The following ACSL5 variants were observed in gnomAD, a reference collection of about 807,000 sequenced individuals.
The protein encoded by ACSL5 is long-chain-fatty-acid--CoA ligase 5.
ACSL5 carries 50 observed loss-of-function variants against 84.9 expected under a neutral mutation model. That is an observed-to-expected ratio of 0.59 (90% CI 0.47 to 0.75). The LOEUF (loss-of-function observed/expected upper bound fraction) is 0.75. Ranked by LOEUF, ACSL5 falls within the 30% of genes least tolerant of loss-of-function variation. The probability of loss-of-function intolerance (pLI) is 0.00; values close to 1 mark genes in which losing one functional copy is unlikely to be tolerated. For synonymous variants in ACSL5, 280 were observed against 300.7 expected (o/e 0.93, Z 0.71); for missense variants, 775 against 830.4 (o/e 0.93, Z 0.82).
intron 5 of ACSL5, 97 bp downstream of exon 5, chr10:112,404,903 C>G: frequency 1.9e-6 from 2 of 1,059,666 alleles, no homozygotes; most frequent in Non-Finnish European, 2.8e-6. Flanking sequence ...CTTGTTAATG[C>G]CTTACCAAAG....
chr10:112,374,362 A>AT (rs1349985418), intron 1 of ACSL5, 93 bp downstream of exon 1: 2 of 152,266 alleles, frequency 1.3e-5, no homozygotes, highest in East Asian at 1.9e-4. Context: ...GGGATTTGTT[A>AT]TGCTCAACCT....
intron 1 of ACSL5, among the ~76,000 whole-genome samples, chr10:112,392,877 T>C (rs1589677860): frequency 6.6e-6 from 1 of 152,150 alleles, no homozygotes; most frequent in Non-Finnish European, 1.5e-5. Context: ...GTTGTGCCAC[T>C]GCACTCCAGC....
In ACSL5 at chr10:112,410,564, C is replaced by T. The variant is rs1306865851; in HGVS notation, c.745-20C>T. On this transcript the variant is annotated intron_variant, in intron 8 of 20. Coordinates refer to ENST00000354655, the MANE Select transcript of ACSL5 (RefSeq NM_203379.2). The stretch of plus-strand genomic sequence containing the variant: ...TCTCAAAGTTCATGGTGGAATAAGC[C>T]CTTGTGCTTCCTCCTCCAGCCTCCT... 5 of 1,614,042 alleles carry T rather than the reference C, an allele frequency of 3.1e-6. No homozygotes were observed. The South Asian group carries it at 5.5e-5, about 18-fold the overall frequency.
intron 19 of ACSL5, 121 bp from the exon 20 acceptor site, chr10:112,426,667 C>A: frequency 1.2e-6 from 1 of 852,746 alleles, no homozygotes; most frequent in Non-Finnish European, 1.9e-6. Flanking sequence ...TGTGCTTGTG[C>A]ATAGTTTTAT....
intron 19 of ACSL5, 84 bp downstream of exon 19, chr10:112,426,443 A>G: frequency 8.4e-7 from 1 of 1,184,156 alleles, no homozygotes; most frequent in Non-Finnish European, 1.2e-6. Context: ...TGCATCTGTC[A>G]CAAGTGGCTG....
chr10:112,426,484 A>G (rs561521300), intron 19 of ACSL5, 125 bp downstream of exon 19: 194 of 744,982 alleles, frequency 2.6e-4, no homozygotes, highest in Non-Finnish European at 4.2e-4. Context: ...GTTTTATGGG[A>G]CTCGGGGATA....
In ACSL5 at chr10:112,425,442, A is replaced by G. The variant is rs969430046; in HGVS notation, c.1698A>G (p.Gln566=). The part of the protein sequence containing the change: ...EKIENIYNRS[Q]PVLQIFVHGE... ...TAGAAAATATCTACAACAGGAGTCA[A>G]CCAGTGTTACAAATTTTTGTACACG... The change falls in exon 18 of 21, where the codon CAA becomes CAG. Residue 566 remains glutamine, a synonymous_variant. Transcript: ENST00000354655. The G allele has an allele frequency of 6.2e-7, 1 of 1,613,516 alleles. No homozygotes were observed. Among genetic ancestry groups the G allele is most frequent in the Non-Finnish European group, 8.5e-7 (1 of 1,179,770 alleles).
In ACSL5 at chr10:112,398,958, T is replaced by C; in HGVS notation, c.214T>C (p.Ser72Pro). 6.2e-7 allele frequency: 1 copy of C among 1,614,096 alleles called. No homozygotes were observed. Among genetic ancestry groups the C allele is most frequent in the Non-Finnish European group, 8.5e-7 (1 of 1,179,994 alleles). The change falls in exon 3 of 21, where the codon TCA becomes CCA. Residue 72 changes from serine (S) to proline (P), a missense_variant. Coordinates refer to ENST00000354655, the MANE Select transcript of ACSL5 (RefSeq NM_203379.2). Reference sequence around the variant, plus strand: ...CAATGACCTAACAAGTTGCTGCTTCTCAGATGCCAAGACTATGTATGAGGT... The same window carrying C: ...CAATGACCTAACAAGTTGCTGCTTCCCAGATGCCAAGACTATGTATGAGGT... ...KNNDLTSCCF[S>P]DAKTMYEVFQ...
At chr10:112,384,451 C>G (rs886516171) in intron 1 of ACSL5, among the ~76,000 whole-genome samples, 7 of 152,170 alleles carry the variant, frequency 4.6e-5, no homozygotes, top group African/African-American at 1.7e-4. Flanking sequence ...TTCAAGAAAT[C>G]CAGTCATGAT....
At chr10:112,380,934 C>T (rs557794241) in intron 1 of ACSL5, among the ~76,000 whole-genome samples, 1 of 152,132 alleles carries the variant, frequency 6.6e-6, no homozygotes, top group Middle Eastern at 3.4e-3. Context: ...GCATGCCCAA[C>T]TAAATTTTTT....
At chr10:112,401,792 CTTT>C (rs1564736340) in intron 3 of ACSL5, among the ~76,000 whole-genome samples, 188 of 94,820 alleles carry the variant, frequency 2.0e-3, no homozygotes, top group African/African-American at 6.9e-3. Flanking sequence ...CTTTCTCTTT[CTTT>C]CTTTCTTTCT....
intron 1 of ACSL5, among the ~76,000 whole-genome samples, chr10:112,386,298 A>G (rs1849452089): frequency 6.9e-6 from 1 of 145,558 alleles, no homozygotes; most frequent in African/African-American, 2.6e-5. Flanking sequence ...GGTTCAAGCA[A>G]TTCTCCTGCC....
At chr10:112,379,699 T>C (rs1849312331) in intron 1 of ACSL5, among the ~76,000 whole-genome samples, 1 of 152,168 alleles carries the variant, frequency 6.6e-6, no homozygotes, top group South Asian at 2.1e-4. Context: ...GGGGAACTGA[T>C]GCTCAGTGAC....
intron 1 of ACSL5, chr10:112,376,468 G>C (rs777394378): frequency 5.0e-6 from 8 of 1,613,874 alleles, no homozygotes; most frequent in African/African-American, 1.3e-5. Flanking sequence ...CCATCGAGGG[G>C]GTGTTATTCA....
At chr10:112,411,398 CA>C in intron 9 of ACSL5, 57 bp from the exon 10 acceptor site, 1 of 1,453,456 alleles carries the variant, frequency 6.9e-7, no homozygotes, top group East Asian at 2.3e-5. Flanking sequence ...CTTTCAAGGC[CA>C]AAGGCTACCT....
intron 6 of ACSL5, 129 bp from the exon 7 acceptor site, chr10:112,409,378 G>A (rs1844123009): frequency 1.4e-6 from 1 of 712,958 alleles, no homozygotes; most frequent in South Asian, 1.8e-5. Context: ...TTATAAATCT[G>A]ATTTGCAGGT....
intron 14 of ACSL5, among the ~76,000 whole-genome samples, chr10:112,420,685 C>T (rs907595817): frequency 6.6e-6 from 1 of 152,110 alleles, no homozygotes; most frequent in Non-Finnish European, 1.5e-5. Flanking sequence ...ATGTTCCCAC[C>T]TACTTGAAAT....
chr10:112,381,144 G>A (rs1849340709), intron 1 of ACSL5, among the ~76,000 whole-genome samples: 1 of 152,106 alleles, frequency 6.6e-6, no homozygotes, highest in African/African-American at 2.4e-5. Flanking sequence ...CATCTTTGAG[G>A]TTCTAGTGTT....
At chr10:112,404,451 C>A in intron 3 of ACSL5, 60 bp from the exon 4 acceptor site, 1 of 1,341,640 alleles carries the variant, frequency 7.5e-7, no homozygotes, top group Non-Finnish European at 1.1e-6. Context: ...CTCCTTTTAG[C>A]TTCCTTGGTC....
Sources: allele counts gnomAD v4.1 joint callset (sites outside exome capture counted in the v4.1 genomes callset), GRCh38; gene constraint gnomAD v4.1.1; transcripts MANE v1.5; gene names NCBI Gene and HGNC (gene_info 2026-07-23, HGNC 2026-07-21).